Variants in TBC1D5 observed in about 807,000 individuals in gnomAD.
TBC1D5 encodes TBC1 domain family, member 5.
Under a neutral mutation model 100.3 loss-of-function variants are expected in TBC1D5, and 75 were observed. The ratio of observed to expected loss-of-function variants is 0.75; its 90% confidence interval spans 0.62 to 0.91. TBC1D5 has a LOEUF of 0.91. Ranked by LOEUF, TBC1D5 falls within the 40% of genes least tolerant of loss-of-function variation. The pLI is 0.00. For synonymous variants in TBC1D5, 323 were observed against 325.6 expected (o/e 0.99, Z 0.09); for missense variants, 910 against 942.4 (o/e 0.97, Z 0.45).
chr3:17,639,377 G>A (rs2064281279), intron 1 of TBC1D5, among the ~76,000 whole-genome samples: 1 of 151,882 alleles, frequency 6.6e-6, no homozygotes, highest in Admixed American at 6.6e-5. Context: ...TGGGGGAATG[G>A]GGATTAGGAG....
chr3:17,388,635 G>T (rs1350188723), intron 8 of TBC1D5, among the ~76,000 whole-genome samples: 1 of 148,748 alleles, frequency 6.7e-6, no homozygotes, highest in Non-Finnish European at 1.5e-5. Context: ...GATCCCTTGA[G>T]CCCAGGGGTT....
At chr3:17,306,029 G>A (rs1315705648) in intron 14 of TBC1D5, among the ~76,000 whole-genome samples, 1 of 152,178 alleles carries the variant, frequency 6.6e-6, no homozygotes, top group African/African-American at 2.4e-5. Flanking sequence ...CCTGCGGCTA[G>A]TCTCTCTCCC....
At chr3:17,704,414 C>T (rs1311097354) in intron 1 of TBC1D5, among the ~76,000 whole-genome samples, 1 of 151,314 alleles carries the variant, frequency 6.6e-6, no homozygotes, top group Admixed American at 6.6e-5. Flanking sequence ...GTCATCCTGG[C>T]CCGTTCTCAA....
intron 1 of TBC1D5, among the ~76,000 whole-genome samples, chr3:17,729,813 T>C (rs764539968): frequency 6.6e-6 from 1 of 151,338 alleles, no homozygotes; most frequent in African/African-American, 2.4e-5. Flanking sequence ...CTTTTTAAAA[T>C]TGTACTTAAT....
At chr3:17,361,032 T>C (rs2091653498) in intron 13 of TBC1D5, among the ~76,000 whole-genome samples, 1 of 152,012 alleles carries the variant, frequency 6.6e-6, no homozygotes, top group Non-Finnish European at 1.5e-5. Context: ...TTTCCAAATA[T>C]ATATGTAATA....
chr3:17,529,485 C>A (rs947683733), intron 2 of TBC1D5, among the ~76,000 whole-genome samples: 11 of 151,902 alleles, frequency 7.2e-5, no homozygotes, highest in African/African-American at 2.4e-4. Context: ...CACAATTATA[C>A]ATGTAAGAGA....
chr3:17,416,403 C>T (rs569051993), intron 4 of TBC1D5, among the ~76,000 whole-genome samples: 1 of 152,214 alleles, frequency 6.6e-6, no homozygotes, highest in Admixed American at 6.5e-5. Flanking sequence ...GCCAGTAGTT[C>T]CCATATTGGA....
At chr3:17,428,407 GTGTGTATATA>G in intron 4 of TBC1D5, 33 bp downstream of exon 4, 5 of 496,958 alleles carry the variant, frequency 1.0e-5, no homozygotes, top group Non-Finnish European at 1.2e-5. Context: ...GTGTGTGTGT[GTGTGTATATA>G]TATATATATA....
At chr3:17,379,204 T>C (rs1383122911) in intron 9 of TBC1D5, among the ~76,000 whole-genome samples, 2 of 151,994 alleles carry the variant, frequency 1.3e-5, no homozygotes, top group Admixed American at 1.3e-4. Flanking sequence ...TTATTGGCAT[T>C]GCATTTAAAT....
At chr3:17,642,393 C>T (rs574959797) in intron 1 of TBC1D5, among the ~76,000 whole-genome samples, 105 of 152,032 alleles carry the variant, frequency 6.9e-4, no homozygotes, top group South Asian at 3.1e-3. Flanking sequence ...TTCCTATCAT[C>T]GATATTTTAT....
chr3:17,331,217 A>G (rs2086826047), intron 13 of TBC1D5, among the ~76,000 whole-genome samples: 1 of 152,106 alleles, frequency 6.6e-6, no homozygotes, highest in Non-Finnish European at 1.5e-5. Context: ...CTTTACCTGC[A>G]TCTCCTTACC....
At chr3:17,199,277 C>T (rs1268076100) in intron 18 of TBC1D5, among the ~76,000 whole-genome samples, 1 of 152,132 alleles carries the variant, frequency 6.6e-6, no homozygotes, top group East Asian at 1.9e-4. Flanking sequence ...CAATCAATAC[C>T]TCATTTATCC....
chr3:17,374,709 G>A (rs901689422), intron 10 of TBC1D5, 30 bp from the exon 11 acceptor site: 2 of 1,602,774 alleles, frequency 1.2e-6, no homozygotes, highest in East Asian at 2.2e-5. Flanking sequence ...CAATCAAAAT[G>A]TGTAATTTTT....
chr3:17,334,931 G>T (rs891471372), intron 13 of TBC1D5, among the ~76,000 whole-genome samples: 1 of 151,946 alleles, frequency 6.6e-6, no homozygotes, highest in Non-Finnish European at 1.5e-5. Flanking sequence ...TACAGATAAG[G>T]CACAGATAAG....
intron 18 of TBC1D5, among the ~76,000 whole-genome samples, chr3:17,188,354 G>A (rs1354632107): frequency 6.6e-6 from 1 of 152,126 alleles, no homozygotes; most frequent in Non-Finnish European, 1.5e-5. Context: ...TAAAACCCAA[G>A]TAGATCTTGA....
At chr3:17,230,201 T>C (rs1233349023) in intron 17 of TBC1D5, among the ~76,000 whole-genome samples, 2 of 152,166 alleles carry the variant, frequency 1.3e-5, no homozygotes, top group African/African-American at 4.8e-5. Context: ...TTGTCATTAT[T>C]CTGTCCTACT....
intron 17 of TBC1D5, among the ~76,000 whole-genome samples, chr3:17,215,028 T>C (rs1298934880): frequency 6.6e-6 from 1 of 151,752 alleles, no homozygotes; most frequent in African/African-American, 2.4e-5. Context: ...GAGATGAGGT[T>C]TGAGAGCAAG....
At position 17,514,355 on chromosome 3, in the gene TBC1D5, T is replaced by G. The variant is rs186975020; in HGVS notation, c.-35-5750A>C. ...TGTCTTAATACATGTCATTCAATAT[T>G]AAATATCACCCCTTGGTAAAACCCT... On this transcript the variant is annotated intron_variant, in intron 2 of 21. Transcript: ENST00000253692. Among the ~76,000 whole-genome samples, 542 of 152,344 alleles carry G rather than the reference T, an allele frequency of 3.6e-3. 4 individuals carry two copies. Among genetic ancestry groups the G allele is most frequent in the African/African-American group, 0.012 (514 of 41,590 alleles).
intron 19 of TBC1D5, among the ~76,000 whole-genome samples, chr3:17,182,581 T>G (rs998574510): frequency 6.6e-6 from 1 of 152,208 alleles, no homozygotes; most frequent in Non-Finnish European, 1.5e-5. Flanking sequence ...CCAGTAAATC[T>G]TTCTCCCCAT....
Sources: allele counts gnomAD v4.1 joint callset (sites outside exome capture counted in the v4.1 genomes callset), GRCh38; gene constraint gnomAD v4.1.1; transcripts MANE v1.5; gene names NCBI Gene and HGNC (gene_info 2026-07-23, HGNC 2026-07-21).